Variants in GNPTAB observed in about 807,000 individuals in gnomAD.
The protein encoded by GNPTAB is N-acetylglucosamine-1-phosphate transferase subunits alpha and beta.
GNPTAB carries 92 observed loss-of-function variants against 136.6 expected under a neutral mutation model. The observed-to-expected ratio is 0.67, with a 90% CI of 0.57 to 0.80. The LOEUF (loss-of-function observed/expected upper bound fraction) is 0.80. Ranked by LOEUF, GNPTAB falls within the 30% of genes least tolerant of loss-of-function variation. The probability of loss-of-function intolerance (pLI) is 0.00; values close to 1 mark genes in which losing one functional copy is unlikely to be tolerated. For synonymous variants in GNPTAB, 512 were observed against 535.1 expected, an observed-to-expected ratio of 0.96 and a Z score of 0.60; for missense variants, 1,343 against 1,501.8, an observed-to-expected ratio of 0.89 and a Z score of 1.75.
intron 1 of GNPTAB, among the ~76,000 whole-genome samples, chr12:101,816,685 C>T (rs1870523938): frequency 6.6e-6 from 1 of 152,184 alleles, no homozygotes; most frequent in Non-Finnish European, 1.5e-5. Flanking sequence ...CTAGCAATCC[C>T]ACTACTGGGT....
At chr12:101,777,023 C>T (rs1420544777) in intron 7 of GNPTAB, among the ~76,000 whole-genome samples, 1 of 152,244 alleles carries the variant, frequency 6.6e-6, no homozygotes, top group East Asian at 1.9e-4. Context: ...GGGTCTCCTT[C>T]CAAAAGACAC....
chr12:101,764,178 A>G, intron 13 of GNPTAB, 24 bp downstream of exon 13: 1 of 1,613,386 alleles, frequency 6.2e-7, no homozygotes, highest in Non-Finnish European at 8.5e-7. Flanking sequence ...AGCATGAGAA[A>G]GAATGAGGCT....
At chr12:101,765,382 G>T in intron 12 of GNPTAB, 78 bp from the exon 13 acceptor site, 1 of 970,400 alleles carries the variant, frequency 1.0e-6, no homozygotes, top group Non-Finnish European at 1.6e-6. Context: ...CTTTGAGTCT[G>T]AGTTTTCACT....
chr12:101,801,564 A>G (rs1262541070), intron 1 of GNPTAB, among the ~76,000 whole-genome samples: 2 of 149,140 alleles, frequency 1.3e-5, no homozygotes, highest in African/African-American at 4.9e-5. Context: ...AAAAAAAAAA[A>G]AAACTGGAAA....
chr12:101,829,344 G>A (rs1464983036), intron 1 of GNPTAB, among the ~76,000 whole-genome samples: 2 of 152,098 alleles, frequency 1.3e-5, no homozygotes, highest in Non-Finnish European at 2.9e-5. Context: ...AATTAGCTGT[G>A]CATGGTGGTA....
chr12:101,802,497 T>C (rs1161150773), intron 1 of GNPTAB, among the ~76,000 whole-genome samples: 1 of 152,022 alleles, frequency 6.6e-6, no homozygotes, highest in Non-Finnish European at 1.5e-5. Context: ...TGGTCAAGGC[T>C]CACTGCCATG....
In GNPTAB at chr12:101,770,423, T is replaced by G; in HGVS notation, c.1096A>C (p.Thr366Pro). ...SWLNLDNPRV[T>P]IVTHQDVFRN... is the part of the protein sequence containing the mutation. ...TCCTGTACCTGGTGTGTTACTATTG[T>G]CACTCGAGGATTGTCAAGGTTCAGC... Residue 366 changes from threonine (T) to proline (P), a missense_variant, in exon 9 of 21, where the codon ACA becomes CCA. Transcript: ENST00000299314. 1 of 1,612,734 alleles carries G rather than the reference T, an allele frequency of 6.2e-7. No individual in the cohort carries two copies. The highest frequency in any genetic ancestry group is 8.5e-7 in the Non-Finnish European group (1 of 1,178,656).
intron 14 of GNPTAB, 58 bp downstream of exon 14, chr12:101,761,506 T>C (rs1952994109): frequency 6.6e-7 from 1 of 1,522,176 alleles, no homozygotes; most frequent in South Asian, 1.1e-5. Flanking sequence ...AATATGCACA[T>C]TTCAAGTAGC....
rs142025274 is a variant in GNPTAB, at chr12:101,765,248, T to G, written c.1669A>C (p.Ile557Leu). 27 of 1,613,880 alleles carry G rather than the reference T, an allele frequency of 1.7e-5. No homozygotes were observed. The Admixed American group carries it at 3.2e-4, about 19-fold the overall frequency. Reference protein sequence around the residue: ...ILLPNQTHYIIPKGECLPYFS... With the variant: ...ILLPNQTHYILPKGECLPYFS... Reference sequence around the variant, plus strand: ...TAAGGCAGGCATTCACCTTTTGGAATAATATAGTGAGTCTGGTTTGGGAGA... The same window carrying G: ...TAAGGCAGGCATTCACCTTTTGGAAGAATATAGTGAGTCTGGTTTGGGAGA... Residue 557 changes from isoleucine to leucine, a missense_variant, in exon 13 of 21, where the codon ATT becomes CTT. Coordinates refer to ENST00000299314, the MANE Select transcript of GNPTAB (RefSeq NM_024312.5).
chr12:101,766,227 G>A lies in GNPTAB; in HGVS notation c.1476C>T (p.Pro492=), dbSNP rs2137119197. The change falls in exon 12 of 21, where the codon CCC becomes CCT. Residue 492 remains proline, a synonymous_variant. Coordinates refer to ENST00000299314, the MANE Select transcript of GNPTAB (RefSeq NM_024312.5). ...GGTGSIGVGQ[P]WQFGGGINSV... ...TGTTTATTCCTCCACCAAACTGCCA[G>A]GGCTGTCCAACTCCAATACTCCCAG... The A allele has an allele frequency of 3.1e-6, 5 of 1,614,088 alleles. No homozygotes were observed. Among genetic ancestry groups the A allele is most frequent in the Non-Finnish European group, 4.2e-6 (5 of 1,179,982 alleles).
chr12:101,828,147 T>C (rs1871195269), intron 1 of GNPTAB, among the ~76,000 whole-genome samples: 1 of 152,186 alleles, frequency 6.6e-6, no homozygotes, highest in Non-Finnish European at 1.5e-5. Flanking sequence ...GTTGATAATA[T>C]AATAGCAGCA....
At chr12:101,791,435 C>T (rs911080885) in intron 2 of GNPTAB, among the ~76,000 whole-genome samples, 2 of 145,362 alleles carry the variant, frequency 1.4e-5, no homozygotes, top group Non-Finnish European at 3.0e-5. Context: ...ATAAAATACA[C>T]TAACACTAAA....
In GNPTAB at chr12:101,770,988, T is replaced by A. The variant is rs747034689; in HGVS notation, c.933+8A>T. ...TTTGGGCTGTAAAAGCTTCTGTGCA[T>A]CCCTTACCTGGCTGATGGCGCTCAG... On this transcript the variant is annotated splice_region_variant and intron_variant, in intron 8 of 20. Transcript: ENST00000299314. 2 of 1,613,670 alleles carry A rather than the reference T, an allele frequency of 1.2e-6. No individual in the cohort carries two copies. Among genetic ancestry groups the A allele is most frequent in the East Asian group, 2.2e-5 (1 of 44,886 alleles).
chr12:101,761,645 T>G lies in GNPTAB; in HGVS notation c.2834A>C (p.Lys945Thr). 6.2e-7 allele frequency: 1 copy of G among 1,614,180 alleles called. No individual in the cohort carries two copies. Among genetic ancestry groups the G allele is most frequent in the Non-Finnish European group, 8.5e-7 (1 of 1,180,000 alleles). The change falls in exon 14 of 21, where the codon AAG becomes ACG. Residue 945 changes from lysine to threonine, a missense_variant. Transcript: ENST00000299314. ...GACTTTCCGCGATGTGAATCCAAACTTGCTATTTAGAATTTTATTTACATA... is the reference window on the plus strand; with the variant it reads ...GACTTTCCGCGATGTGAATCCAAACGTGCTATTTAGAATTTTATTTACATA... The part of the protein sequence containing the change: ...LRYVNKILNS[K>T]FGFTSRKVPA...
At chr12:101,773,231 A>C (rs1418477121) in intron 7 of GNPTAB, 1 of 214,992 alleles carries the variant, frequency 4.7e-6, no homozygotes, top group Non-Finnish European at 9.7e-6. Context: ...CCACCTTCTT[A>C]CTACCTGTTT....
intron 5 of GNPTAB, among the ~76,000 whole-genome samples, chr12:101,782,303 G>GT (rs55653689): frequency 2.9e-4 from 44 of 150,470 alleles, no homozygotes; most frequent in East Asian, 1.9e-3. Context: ...GAATATATAA[G>GT]TTTTTTTTTT....
In GNPTAB at chr12:101,746,180, CAAACT is replaced by C. The variant is rs1312380839; in HGVS notation, c.*979_*983del. 2 of 151,946 alleles carry C rather than the reference CAAACT, an allele frequency of 1.3e-5. No individual in the cohort carries two copies. Among genetic ancestry groups the C allele is most frequent in the Non-Finnish European group, 2.9e-5 (2 of 67,964 alleles). 9.4% of individuals were successfully genotyped at this position (151,946 alleles called of 1,614,324 possible). ...TTTTAGAGGGTTGTTTGAAAAAAAA[CAAACT>C]AAACAACAGCAAGAAGAATGTATGA... On this transcript the variant is annotated 3_prime_UTR_variant, in exon 21 of 21. Coordinates refer to ENST00000299314, the MANE Select transcript of GNPTAB (RefSeq NM_024312.5).
At chr12:101,759,445 A>G (rs1952959291) in intron 16 of GNPTAB, among the ~76,000 whole-genome samples, 4 of 150,876 alleles carry the variant, frequency 2.7e-5, no homozygotes. Context: ...GAATTTTTCC[A>G]TTTATCAGTA....
At chr12:101,765,440 T>C in intron 12 of GNPTAB, 136 bp from the exon 13 acceptor site, 2 of 692,220 alleles carry the variant, frequency 2.9e-6, no homozygotes, top group Non-Finnish European at 5.0e-6. Flanking sequence ...TTGCATGTCG[T>C]CCTTGTGCAG....
Sources: allele counts gnomAD v4.1 joint callset (sites outside exome capture counted in the v4.1 genomes callset), GRCh38; gene constraint gnomAD v4.1.1; transcripts MANE v1.5; gene names NCBI Gene and HGNC (gene_info 2026-07-23, HGNC 2026-07-21).